GAD2: variants seen among roughly 807,000 people sequenced by gnomAD.
GAD2 encodes glutamate decarboxylase 2.
A neutral mutation model predicts 80.1 loss-of-function variants in GAD2; 22 were observed. The observed-to-expected ratio is 0.27, with a 90% CI of 0.20 to 0.39. GAD2 has a LOEUF of 0.39. Ranked by LOEUF, GAD2 falls within the 10% of genes least tolerant of loss-of-function variation. GAD2 has a pLI of 1.00. For synonymous variants in GAD2, 274 were observed against 256.9 expected (o/e 1.07, Z -0.64); for missense variants, 624 against 738.4 (o/e 0.85, Z 1.80).
chr10:26,255,426 A>G (rs1165987366), intron 8 of GAD2, among the ~76,000 whole-genome samples: 2 of 152,046 alleles, frequency 1.3e-5, no homozygotes, highest in East Asian at 3.9e-4. Context: ...AGGGAGAACT[A>G]ATACAGGCAA....
intron 8 of GAD2, among the ~76,000 whole-genome samples, chr10:26,264,343 C>G (rs965682934): frequency 6.8e-6 from 1 of 146,294 alleles, no homozygotes; most frequent in East Asian, 2.0e-4. Flanking sequence ...GACAGAGTCT[C>G]GCTCTGTCGC....
chr10:26,245,681 A>G (rs999332223), intron 7 of GAD2, among the ~76,000 whole-genome samples: 2 of 151,936 alleles, frequency 1.3e-5, no homozygotes, highest in African/African-American at 4.8e-5. Flanking sequence ...TGACCTTGTG[A>G]TCTGCCTGCC....
At chr10:26,223,188 G>A (rs1275544192) in intron 4 of GAD2, among the ~76,000 whole-genome samples, 1 of 152,172 alleles carries the variant, frequency 6.6e-6, no homozygotes, top group East Asian at 1.9e-4. Flanking sequence ...GATGTTGACT[G>A]TATGTGGCCT....
chr10:26,286,350 G>A lies in GAD2; in HGVS notation c.1242G>A (p.Leu414=), dbSNP rs781470227. The change falls in exon 13 of 16, where the codon TTG becomes TTA. Residue 414 remains leucine (L), a synonymous_variant. Coordinates refer to ENST00000376261, the MANE Select transcript of GAD2 (RefSeq NM_001134366.2). ...TTTTCTCTTCTCTCTTGTAGGGATT[G>A]ATGCAGAATTGCAACCAAATGCATG... ...CSALLVREEG[L]MQNCNQMHAS... 1.9e-6 allele frequency: 3 copies of A among 1,612,928 alleles called. No homozygotes were observed. Among genetic ancestry groups the A allele is most frequent in the Non-Finnish European group, 2.5e-6 (3 of 1,179,646 alleles).
chr10:26,256,080 T>C (rs1440478606), intron 8 of GAD2, among the ~76,000 whole-genome samples: 8 of 152,214 alleles, frequency 5.3e-5, no homozygotes, highest in Admixed American at 5.2e-4. Flanking sequence ...TAAAGGAAAA[T>C]TGCAGGAATA....
In GAD2 at chr10:26,216,857, C is replaced by G; in HGVS notation, c.48C>G (p.Gly16=). The G allele has an allele frequency of 6.2e-7, 1 of 1,612,132 alleles. No homozygotes were observed. Among genetic ancestry groups the G allele is most frequent in the Non-Finnish European group, 8.5e-7 (1 of 1,179,226 alleles). Residue 16 remains glycine (G), a synonymous_variant, in exon 1 of 16, where the codon GGC becomes GGG. Transcript: ENST00000376261. This position sits in a 1 kb window ranked among gnomAD's most constrained non-coding sequence, Gnocchi z 4.7. ...SGFWSFGSED[G]SGDSENPGTA... is the part of the protein sequence containing the mutation. The stretch of plus-strand genomic sequence containing the variant: ...TTTGGTCTTTCGGGTCGGAAGATGG[C>G]TCTGGGGATTCCGAGAATCCCGGCA...
At chr10:26,253,459 G>C (rs1844905509) in intron 8 of GAD2, among the ~76,000 whole-genome samples, 1 of 151,884 alleles carries the variant, frequency 6.6e-6, no homozygotes. Context: ...ATATAGAGAG[G>C]AAAATAAACA....
rs936669567 is a variant in GAD2 at position 26,268,813 on chromosome 10, G to T, written c.921-306G>T. Among the ~76,000 whole-genome samples the T allele has an allele frequency of 2.0e-5, 3 of 152,166 alleles. No individual in the cohort carries two copies. The East Asian group carries it at 5.8e-4, about 29-fold the overall frequency. On this transcript the variant is annotated intron_variant, in intron 8 of 15. Transcript: ENST00000376261. ...TGCCAAACATTTTGCTCCAAATCAG[G>T]CTTGTTTTAACTGAATTAAGAGGAT...
At chr10:26,289,062 A>G (rs573584156) in intron 13 of GAD2, among the ~76,000 whole-genome samples, 16 of 151,914 alleles carry the variant, frequency 1.1e-4, no homozygotes, top group African/African-American at 3.2e-4. Context: ...TTGTTTTTCA[A>G]TCTAAACCTT....
At chr10:26,293,018 A>T in intron 15 of GAD2, 27 bp downstream of exon 15, 1 of 1,551,428 alleles carries the variant, frequency 6.4e-7, no homozygotes, top group South Asian at 1.1e-5. Context: ...CCTCTGATAC[A>T]TGTGTGTATT....
intron 3 of GAD2, among the ~76,000 whole-genome samples, chr10:26,218,549 T>TGTCA (rs1844412208): frequency 1.7e-5 from 1 of 57,324 alleles, no homozygotes; most frequent in Non-Finnish European, 4.7e-5. Context: ...TCTCTCTCTC[T>TGTCA]CTCACACACA....
At chr10:26,264,270 G>A (rs1845042298) in intron 8 of GAD2, among the ~76,000 whole-genome samples, 1 of 150,300 alleles carries the variant, frequency 6.7e-6, no homozygotes, top group Admixed American at 6.6e-5. Context: ...TAGCATATAT[G>A]ATCTGTGGCA....
intron 9 of GAD2, among the ~76,000 whole-genome samples, chr10:26,270,107 G>A (rs561170916): frequency 2.6e-4 from 39 of 152,298 alleles, no homozygotes; most frequent in African/African-American, 9.1e-4. Context: ...AGAGACTGAG[G>A]ACTAGTTAGA....
intron 15 of GAD2, among the ~76,000 whole-genome samples, chr10:26,300,460 C>T (rs982087264): frequency 2.0e-5 from 3 of 151,986 alleles, no homozygotes; most frequent in Non-Finnish European, 4.4e-5. Context: ...GGAAAATGCC[C>T]CCAAACGTCT....
At chr10:26,287,333 G>A (rs8190776) in intron 13 of GAD2, among the ~76,000 whole-genome samples, 3,092 of 152,276 alleles carry the variant, frequency 0.02, 99 homozygotes, top group African/African-American at 0.07. Context: ...ATAAGAAAGT[G>A]AGAAAGGGGG....
At chr10:26,299,763 A>T (rs1341812462) in intron 15 of GAD2, among the ~76,000 whole-genome samples, 1 of 152,210 alleles carries the variant, frequency 6.6e-6, no homozygotes, top group South Asian at 2.1e-4. Flanking sequence ...AGGATCATGG[A>T]TGATATGTTT....
At chr10:26,278,593 C>G (rs1845237912) in intron 11 of GAD2, among the ~76,000 whole-genome samples, 2 of 152,154 alleles carry the variant, frequency 1.3e-5, no homozygotes, top group South Asian at 4.1e-4. Context: ...GCCCAGGGTC[C>G]TGACTCCAGG....
intron 8 of GAD2, among the ~76,000 whole-genome samples, chr10:26,249,971 G>C (rs760011151): frequency 6.6e-6 from 1 of 151,886 alleles, no homozygotes; most frequent in Non-Finnish European, 1.5e-5. Flanking sequence ...CGGGACCTAC[G>C]ATCAGTGACT....
chr10:26,257,081 G>A (rs1165793317), intron 8 of GAD2, among the ~76,000 whole-genome samples: 1 of 152,052 alleles, frequency 6.6e-6, no homozygotes, highest in Non-Finnish European at 1.5e-5. Flanking sequence ...ACTATTTTTA[G>A]AAATTAATAT....
Sources: allele counts gnomAD v4.1 joint callset (sites outside exome capture counted in the v4.1 genomes callset), GRCh38; gene constraint gnomAD v4.1.1; non-coding constraint Gnocchi (gnomAD v3.1); transcripts MANE v1.5; gene names NCBI Gene and HGNC (gene_info 2026-07-23, HGNC 2026-07-21).